Variants in CCDC6 observed in about 807,000 individuals in gnomAD.
The protein encoded by CCDC6 is coiled-coil domain containing 6.
CCDC6 carries 20 observed loss-of-function variants against 56.6 expected under a neutral mutation model. The observed-to-expected ratio is 0.35, with a 90% CI of 0.25 to 0.51. The LOEUF (loss-of-function observed/expected upper bound fraction) is 0.51. Among genes scored for constraint, CCDC6 ranks in the 20% least tolerant of loss-of-function variants. The pLI is 0.95. For missense variants in CCDC6, 367 were observed against 601.1 expected (o/e 0.61, Z 4.07); for synonymous variants, 241 against 234.4 (o/e 1.03, Z -0.26).
chr10:59,865,668 A>G (rs2071170678), intron 1 of CCDC6, among the ~76,000 whole-genome samples: 2 of 151,926 alleles, frequency 1.3e-5, no homozygotes, highest in South Asian at 4.1e-4. Flanking sequence ...CCTGGCCAAC[A>G]TGGTGAAACT....
intron 1 of CCDC6, among the ~76,000 whole-genome samples, chr10:59,898,405 G>T (rs528306969): frequency 1.3e-5 from 2 of 152,340 alleles, no homozygotes; most frequent in South Asian, 2.1e-4. Context: ...GTGAATGAAT[G>T]TGATAACTTG....
intron 1 of CCDC6, among the ~76,000 whole-genome samples, chr10:59,896,810 T>C (rs970233349): frequency 2.7e-5 from 4 of 149,928 alleles, no homozygotes; most frequent in Admixed American, 2.0e-4. Context: ...CACTTACAAA[T>C]GGTTAAAATG....
chr10:59,847,126 C>T (rs2070999226), intron 2 of CCDC6, among the ~76,000 whole-genome samples: 1 of 151,964 alleles, frequency 6.6e-6, no homozygotes, highest in Non-Finnish European at 1.5e-5. Context: ...TATCTCGGCT[C>T]ACCACAAGGT....
chr10:59,857,572 C>T (rs576934802), intron 1 of CCDC6, among the ~76,000 whole-genome samples: 9 of 152,212 alleles, frequency 5.9e-5, no homozygotes, highest in African/African-American at 1.7e-4. Context: ...AGAAAGAGAA[C>T]GGTTCTCCAA....
At chr10:59,839,234 C>G (rs2070915084) in intron 2 of CCDC6, among the ~76,000 whole-genome samples, 2 of 152,212 alleles carry the variant, frequency 1.3e-5, no homozygotes. Flanking sequence ...GGCTTCAAAG[C>G]CTTTGCCCTC....
chr10:59,889,668 A>G lies in CCDC6; in HGVS notation c.303+16454T>C, dbSNP rs548886258. Among the ~76,000 whole-genome samples the G allele has an allele frequency of 1.3e-4, 20 of 152,278 alleles. 1 individual carries two copies. In the South Asian group the frequency reaches 4.2e-3, roughly 32 times the overall value. On this transcript the variant is annotated intron_variant, in intron 1 of 8. Coordinates refer to ENST00000263102, the MANE Select transcript of CCDC6 (RefSeq NM_005436.5). ...ATCTCCCAGTTTCCAAAGTACGCCA[A>G]TGAGATTCAGCCAATAAGAGGCACT...
At chr10:59,865,723 G>A (rs7076864) in intron 1 of CCDC6, among the ~76,000 whole-genome samples, 2,215 of 151,744 alleles carry the variant, frequency 0.015, 55 homozygotes, top group African/African-American at 0.051. Context: ...GTGGTGGCCC[G>A]TGCCTGCAGC....
intron 1 of CCDC6, among the ~76,000 whole-genome samples, chr10:59,881,395 T>C (rs890926816): frequency 6.6e-6 from 1 of 152,016 alleles, no homozygotes; most frequent in Admixed American, 6.6e-5. Context: ...GGGCTTCACA[T>C]GGGGGAAATT....
At chr10:59,807,117 C>A in intron 5 of CCDC6, 39 bp from the exon 6 acceptor site, 1 of 1,582,366 alleles carries the variant, frequency 6.3e-7, no homozygotes, top group Non-Finnish European at 8.7e-7. Flanking sequence ...ATGTTTCATG[C>A]AATCATATCC....
chr10:59,882,026 C>CCGGCGGGAGAAGGAAAGGAAAGCCGG (rs1564755796), intron 1 of CCDC6, among the ~76,000 whole-genome samples: 1 of 51,480 alleles, frequency 1.9e-5, no homozygotes, highest in Non-Finnish European at 4.1e-5. Flanking sequence ...AGGAAAGCCG[C>CCGGCGGGAGAAGGAAAGGAAAGCCGG]GGGGAGAAGG....
rs1352471970 is a variant in CCDC6 at position 59,790,876 on chromosome 10, C to G, written c.*2041G>C. ...AATCGATAGGAAGCTGAGGGAAGATCATTCCATTATGGACTTTCTTGTTTG... is the reference window on the plus strand; with the variant it reads ...AATCGATAGGAAGCTGAGGGAAGATGATTCCATTATGGACTTTCTTGTTTG... On this transcript the variant is annotated 3_prime_UTR_variant, in exon 9 of 9. Transcript: ENST00000263102. 2.9e-5 allele frequency: 6 copies of G among 209,238 alleles called. No individual in the cohort carries two copies. In the East Asian group the frequency reaches 4.4e-4, roughly 15 times the overall value. 13.0% of individuals were successfully genotyped at this position (209,238 alleles called of 1,614,324 possible).
At chr10:59,868,009 C>T (rs1014304386) in intron 1 of CCDC6, among the ~76,000 whole-genome samples, 5 of 152,140 alleles carry the variant, frequency 3.3e-5, no homozygotes, top group Non-Finnish European at 7.4e-5. Flanking sequence ...CAAGCTGTAC[C>T]ACCTTGAGCA....
rs1249011716 is a variant in CCDC6 at position 59,906,513 on chromosome 10, C to T, written c.-89G>A. The T allele has an allele frequency of 3.4e-6, 4 of 1,184,906 alleles. No homozygotes were observed. The East Asian group carries it at 8.9e-5, about 26-fold the overall frequency. 73.4% of individuals were successfully genotyped at this position (1,184,906 alleles called of 1,614,324 possible). A position where few individuals can be genotyped will look rare whatever the true frequency, so the allele number is the denominator to read the frequency against. ...TGCGAATGAGTGGGCGCCGGGCGAGCACAGGGGAGCGCCGAGCTGAGCGCC... is the reference window on the plus strand; with the variant it reads ...TGCGAATGAGTGGGCGCCGGGCGAGTACAGGGGAGCGCCGAGCTGAGCGCC... On this transcript the variant is annotated 5_prime_UTR_variant, in exon 1 of 9. Transcript: ENST00000263102.
At chr10:59,874,052 G>C (rs544907935) in intron 1 of CCDC6, among the ~76,000 whole-genome samples, 146 of 151,498 alleles carry the variant, frequency 9.6e-4, no homozygotes, top group African/African-American at 3.1e-3. Context: ...GAAAGAAAAC[G>C]AAGTGAAAGA....
chr10:59,812,579 T>C, intron 5 of CCDC6, 56 bp downstream of exon 5: 1 of 1,256,666 alleles, frequency 8.0e-7, no homozygotes, highest in Non-Finnish European at 1.1e-6. Flanking sequence ...TACCCTATAT[T>C]TGGTAAAGTT....
Position 59,812,539 on chromosome 10 carries a change from G to A in CCDC6, c.847+96C>T, listed in dbSNP as rs949021130. 2.4e-5 allele frequency: 19 copies of A among 791,242 alleles called. 1 individual carries two copies. In the Admixed American group the frequency reaches 4.8e-4, roughly 20 times the overall value. 49.0% of individuals were successfully genotyped at this position (791,242 alleles called of 1,614,324 possible). A position where few individuals can be genotyped will look rare whatever the true frequency, so the allele number is the denominator to read the frequency against. ...TCAGTAATATATGAATTTAATTACT[G>A]CAAATTCAACAGTAATTAAATGTTG... On this transcript the variant is annotated intron_variant, in intron 5 of 8. Coordinates refer to ENST00000263102, the MANE Select transcript of CCDC6 (RefSeq NM_005436.5).
At chr10:59,898,699 T>C (rs1190804414) in intron 1 of CCDC6, among the ~76,000 whole-genome samples, 2 of 152,250 alleles carry the variant, frequency 1.3e-5, no homozygotes, top group African/African-American at 4.8e-5. Flanking sequence ...TTTTGGATAT[T>C]TGTATCCAGC....
chr10:59,819,363 T>G (rs979321141), intron 3 of CCDC6, among the ~76,000 whole-genome samples: 1 of 152,160 alleles, frequency 6.6e-6, no homozygotes, highest in Non-Finnish European at 1.5e-5. Flanking sequence ...GTTTTAAAAA[T>G]CTCAACTTTT....
At chr10:59,903,440 ATAAAAGTGCTC>A (rs1444346980) in intron 1 of CCDC6, among the ~76,000 whole-genome samples, 14 of 152,290 alleles carry the variant, frequency 9.2e-5, no homozygotes, top group Non-Finnish European at 7.4e-5. Flanking sequence ...TTACGTGAAG[ATAAAAGTGCTC>A]TAAAAAAATA....
Sources: allele counts gnomAD v4.1 joint callset (sites outside exome capture counted in the v4.1 genomes callset), GRCh38; gene constraint gnomAD v4.1.1; transcripts MANE v1.5; gene names NCBI Gene and HGNC (gene_info 2026-07-23, HGNC 2026-07-21).